The following DPP6 variants were observed in gnomAD, a reference collection of about 807,000 sequenced individuals.
The protein encoded by DPP6 is A-type potassium channel modulatory protein DPP6.
DPP6 carries 69 observed loss-of-function variants against 122.6 expected under a neutral mutation model. The ratio of observed to expected loss-of-function variants is 0.56; its 90% confidence interval spans 0.46 to 0.69. DPP6 has a LOEUF of 0.69. Ranked by LOEUF, DPP6 falls within the 30% of genes least tolerant of loss-of-function variation. DPP6 has a pLI of 0.00. For synonymous variants in DPP6, 418 were observed against 433.1 expected, an observed-to-expected ratio of 0.97 and a Z score of 0.43; for missense variants, 928 against 1,116.9, an observed-to-expected ratio of 0.83 and a Z score of 2.41.
intron 1 of DPP6, among the ~76,000 whole-genome samples, chr7:154,103,390 T>C (rs991455654): frequency 2.8e-4 from 42 of 152,294 alleles, no homozygotes; most frequent in African/African-American, 9.4e-4. Flanking sequence ...AAGGGCCTCA[T>C]TGAGTATAGG....
At chr7:153,756,642 G>A in the DPP6 span, among the ~76,000 whole-genome samples, 1 of 151,826 alleles carries the variant, frequency 6.6e-6, no homozygotes, top group African/African-American at 2.4e-5. Flanking sequence ...TTGTCTAATT[G>A]GTAATTTCTG....
intron 8 of DPP6, among the ~76,000 whole-genome samples, chr7:154,765,111 A>G (rs951487784): frequency 6.6e-6 from 1 of 152,212 alleles, no homozygotes; most frequent in African/African-American, 2.4e-5. Context: ...ATCATTCGGC[A>G]TTCGTCTTTC....
At chr7:154,480,324 T>G (rs2151364631) in intron 3 of DPP6, among the ~76,000 whole-genome samples, 1 of 152,172 alleles carries the variant, frequency 6.6e-6, no homozygotes, top group East Asian at 1.9e-4. Flanking sequence ...TCTTCCACTC[T>G]CCCTAAATCC....
chr7:153,959,134 G>A lies in DPP6; in HGVS notation c.51+71400G>A, dbSNP rs541648083. Among the ~76,000 whole-genome samples the A allele has an allele frequency of 4.0e-5, 6 of 151,202 alleles. No homozygotes were observed. In the South Asian group the frequency reaches 1.3e-3, roughly 32 times the overall value. The stretch of plus-strand genomic sequence containing the variant: ...CCATCCGATGCTTCTGGTCACTAAG[G>A]GAAAGAGAATGACAATAACAATAAG... On this transcript the variant is annotated intron_variant, in intron 1 of 25. Transcript: ENST00000404039.
chr7:154,851,401 TAA>T (rs1425341004), intron 16 of DPP6, among the ~76,000 whole-genome samples: 2 of 152,220 alleles, frequency 1.3e-5, no homozygotes, highest in East Asian at 1.9e-4. Flanking sequence ...AATAAGAACA[TAA>T]GAGATATTCT....
intron 1 of DPP6, among the ~76,000 whole-genome samples, chr7:154,271,711 C>T (rs965670048): frequency 6.6e-5 from 10 of 152,040 alleles, no homozygotes; most frequent in African/African-American, 2.2e-4. Flanking sequence ...ACAGAGAAAG[C>T]CTGGGGGTCA....
intron 5 of DPP6, among the ~76,000 whole-genome samples, chr7:154,613,984 C>T (rs566254932): frequency 5.3e-5 from 8 of 152,174 alleles, no homozygotes; most frequent in Non-Finnish European, 1.0e-4. Context: ...TTCCGCATTC[C>T]GCATACAGTG....
chr7:153,946,603 G>C (rs1801957394), intron 1 of DPP6, among the ~76,000 whole-genome samples: 1 of 152,056 alleles, frequency 6.6e-6, no homozygotes, highest in Non-Finnish European at 1.5e-5. Flanking sequence ...CTGTGACTAA[G>C]AGCACCTAAC....
chr7:154,464,809 C>A (rs1400251380), intron 2 of DPP6, among the ~76,000 whole-genome samples: 1 of 152,172 alleles, frequency 6.6e-6, no homozygotes, highest in South Asian at 2.1e-4. Context: ...AATGCCTGCA[C>A]AAAATATGCC....
chr7:154,295,727 A>G (rs1350700825), intron 1 of DPP6, among the ~76,000 whole-genome samples: 1 of 152,048 alleles, frequency 6.6e-6, no homozygotes, highest in African/African-American at 2.4e-5. Flanking sequence ...TTTGGTTTGT[A>G]TATAATTTTG....
intron 1 of DPP6, among the ~76,000 whole-genome samples, chr7:154,158,372 G>A (rs1161868901): frequency 1.3e-5 from 2 of 150,988 alleles, no homozygotes; most frequent in Non-Finnish European, 2.9e-5. Flanking sequence ...ATTCTGGGGG[G>A]TTTCCTAACC....
the DPP6 span, among the ~76,000 whole-genome samples, chr7:153,767,220 G>A: frequency 2.7e-3 from 414 of 152,278 alleles, 2 homozygotes; most frequent in African/African-American, 9.5e-3. Flanking sequence ...GCAGAAAAAT[G>A]TCCACTTTCC....
chr7:154,368,976 G>A (rs13234661), intron 1 of DPP6, among the ~76,000 whole-genome samples: 13,677 of 152,234 alleles, frequency 0.09, 767 homozygotes, highest in African/African-American at 0.15. Context: ...GGCCAGCCAG[G>A]TATGAAGGTG....
chr7:153,881,834 G>A, the DPP6 span, among the ~76,000 whole-genome samples: 2 of 152,086 alleles, frequency 1.3e-5, no homozygotes, highest in East Asian at 3.9e-4. Context: ...CCTATAAAAT[G>A]TATTTCAGCT....
chr7:153,984,726 T>C (rs1796758091), intron 1 of DPP6, among the ~76,000 whole-genome samples: 1 of 152,206 alleles, frequency 6.6e-6, no homozygotes, highest in African/African-American at 2.4e-5. Context: ...GTTGTCATCA[T>C]TTAATTCAAT....
intron 1 of DPP6, among the ~76,000 whole-genome samples, chr7:154,335,035 C>A (rs1585976060): frequency 1.5e-5 from 2 of 134,698 alleles, no homozygotes; most frequent in Admixed American, 1.6e-4. Context: ...CTTCCTGGGA[C>A]TGAAATGATG....
intron 1 of DPP6, among the ~76,000 whole-genome samples, chr7:154,325,134 TG>T (rs1003003408): frequency 6.6e-6 from 1 of 152,156 alleles, no homozygotes; most frequent in Non-Finnish European, 1.5e-5. Context: ...CCCAAAATGC[TG>T]GGATTACAGA....
chr7:153,763,034 G>T, the DPP6 span, among the ~76,000 whole-genome samples: 2 of 152,176 alleles, frequency 1.3e-5, no homozygotes, highest in African/African-American at 4.8e-5. Context: ...GTCATGAGCA[G>T]CCCAGGGATG....
intron 1 of DPP6, among the ~76,000 whole-genome samples, chr7:154,437,187 A>C (rs932121845): frequency 6.6e-6 from 1 of 152,204 alleles, no homozygotes; most frequent in African/African-American, 2.4e-5. Context: ...CTCTGCAGCC[A>C]ATCATTTCTC....
Sources: gnomAD v4.1 joint callset for allele counts (sites outside exome capture counted in the v4.1 genomes callset) on GRCh38, gnomAD v4.1.1 for gene constraint, MANE v1.5 for transcripts, NCBI Gene and HGNC (gene_info 2026-07-23, HGNC 2026-07-21) for gene names.